Variants in NAV3 observed in about 807,000 individuals in gnomAD.
NAV3 encodes neuron navigator 3.
NAV3 carries 87 observed loss-of-function variants against 244.7 expected under a neutral mutation model. The observed-to-expected ratio is 0.36, with a 90% confidence interval of 0.30 to 0.42. NAV3 has a LOEUF of 0.42. NAV3 is among the 20% of genes least tolerant of loss of function. NAV3 has a pLI of 1.00. For missense variants in NAV3, 2,663 were observed against 2,893.3 expected (o/e 0.92, Z 1.83); for synonymous variants, 1,126 against 1,042.2 (o/e 1.08, Z -1.55).
intron 12 of NAV3, among the ~76,000 whole-genome samples, chr12:78,097,893 AAG>A (rs1255792211): frequency 5.9e-5 from 9 of 152,230 alleles, no homozygotes; most frequent in Admixed American, 5.9e-4. Flanking sequence ...ATTCCTCTGA[AAG>A]AGAAAGCTAA....
chr12:77,752,126 G>T (rs1417576739), intron 2 of NAV3, among the ~76,000 whole-genome samples: 2 of 152,030 alleles, frequency 1.3e-5, no homozygotes, highest in Non-Finnish European at 2.9e-5. Flanking sequence ...GTCAATATTT[G>T]GTTTCCATAA....
chr12:77,998,673 A>T (rs1872749292), intron 7 of NAV3, among the ~76,000 whole-genome samples, 197 bp downstream of exon 7: 2 of 152,214 alleles, frequency 1.3e-5, no homozygotes, highest in African/African-American at 4.8e-5. Context: ...AAACTCATTC[A>T]TTTTAAAGTA....
intron 23 of NAV3, among the ~76,000 whole-genome samples, chr12:78,162,861 CAA>C (rs200929916): frequency 5.0e-5 from 6 of 119,802 alleles, no homozygotes; most frequent in Admixed American, 3.2e-4. Flanking sequence ...GACTCTGTCT[CAA>C]AAAAAAATAT....
chr12:77,880,037 G>A (rs1445459066), intron 1 of NAV3, among the ~76,000 whole-genome samples: 2 of 152,130 alleles, frequency 1.3e-5, no homozygotes, highest in African/African-American at 4.8e-5. Flanking sequence ...CTGTAAAAAT[G>A]TACCTGGCTT....
intron 2 of NAV3, among the ~76,000 whole-genome samples, chr12:77,816,772 A>T (rs934215654): frequency 7.0e-6 from 1 of 142,564 alleles, no homozygotes; most frequent in Admixed American, 7.2e-5. Flanking sequence ...TCGTATATCA[A>T]TATGCAGAAA....
chr12:78,009,475 A>AG (rs1398678187), intron 8 of NAV3, among the ~76,000 whole-genome samples: 315 of 135,148 alleles, frequency 2.3e-3, no homozygotes, highest in African/African-American at 7.0e-3. Flanking sequence ...AAAAAAAGAG[A>AG]AAAAAAGGGC....
At chr12:78,154,280 T>TATA (rs1366147035) in intron 22 of NAV3, among the ~76,000 whole-genome samples, 16 of 71,014 alleles carry the variant, frequency 2.3e-4, no homozygotes, top group Non-Finnish European at 3.0e-4. Flanking sequence ...TATATTACTA[T>TATA]ATATACTACT....
intron 2 of NAV3, among the ~76,000 whole-genome samples, chr12:77,784,730 G>A (rs2135926263): frequency 6.6e-6 from 1 of 152,232 alleles, no homozygotes; most frequent in Middle Eastern, 3.4e-3. Flanking sequence ...TATTAGAAGT[G>A]AGGCCATTCA....
intron 12 of NAV3, among the ~76,000 whole-genome samples, chr12:78,086,365 C>A (rs896501412): frequency 6.6e-6 from 1 of 151,916 alleles, no homozygotes; most frequent in Non-Finnish European, 1.5e-5. Flanking sequence ...TATTGTTAGG[C>A]AATTATGTGA....
chr12:77,850,383 A>G (rs1877328571), intron 1 of NAV3, among the ~76,000 whole-genome samples: 1 of 152,240 alleles, frequency 6.6e-6, no homozygotes, highest in Non-Finnish European at 1.5e-5. Context: ...CCGTTGCAGT[A>G]TAGTAAATCA....
chr12:77,934,304 C>CT (rs1889111845), intron 1 of NAV3, among the ~76,000 whole-genome samples: 1 of 152,098 alleles, frequency 6.6e-6, no homozygotes, highest in African/African-American at 2.4e-5. Context: ...GCCCTTTTTG[C>CT]TTTTCTGTGC....
intron 23 of NAV3, among the ~76,000 whole-genome samples, chr12:78,160,194 C>T (rs1397570592): frequency 1.3e-5 from 2 of 151,664 alleles, no homozygotes; most frequent in Non-Finnish European, 2.9e-5. Context: ...GAAGGTATAC[C>T]AAAAAGAAAG....
intron 2 of NAV3, among the ~76,000 whole-genome samples, chr12:77,601,784 A>C (rs889090779): frequency 3.9e-5 from 6 of 151,998 alleles, no homozygotes; most frequent in African/African-American, 9.7e-5. Flanking sequence ...GAGACATAGA[A>C]AATTCTAAGC....
At chr12:78,092,466 A>G (rs1404467153) in intron 12 of NAV3, among the ~76,000 whole-genome samples, 6 of 136,466 alleles carry the variant, frequency 4.4e-5, no homozygotes, top group Non-Finnish European at 7.9e-5. Context: ...AACTCATTTC[A>G]CCCTTTGAAA....
chr12:77,731,406 G>T (rs1306505624), intron 2 of NAV3, among the ~76,000 whole-genome samples: 1 of 151,854 alleles, frequency 6.6e-6, no homozygotes, highest in Non-Finnish European at 1.5e-5. Flanking sequence ...TATACAAAAA[G>T]AAAAAGTTGC....
chr12:78,143,697 G>A (rs1956734129), intron 20 of NAV3, among the ~76,000 whole-genome samples: 1 of 151,342 alleles, frequency 6.6e-6, no homozygotes. Flanking sequence ...CCAACACTGT[G>A]AAATATTGTG....
rs748531378 is a variant in NAV3, at chr12:77,766,735, G to GTTTTTTTTTTTTTTTTT, written c.73-173564_73-173548dup. Among the ~76,000 whole-genome samples, 9 of 60,512 alleles carry GTTTTTTTTTTTTTTTTT rather than the reference G, an allele frequency of 1.5e-4. 1 individual carries two copies. Among genetic ancestry groups the GTTTTTTTTTTTTTTTTT allele is most frequent in the East Asian group, 5.0e-4 (1 of 2,012 alleles). The allele number at this position is 60,512 out of a possible 152,430, so 39.7% of individuals were successfully genotyped here. The stretch of plus-strand genomic sequence containing the variant: ...AGGATTCTAAAAAACAGGCAATTAA[G>GTTTTTTTTTTTTTTTTT]TTTTTTTTTTTTTTTTTTTTTTTTT... On this transcript the variant is annotated intron_variant, in intron 2 of 8. Coordinates refer to the NAV3 transcript ENST00000550042.
At chr12:77,577,690 T>C (rs1183512226) in intron 2 of NAV3, among the ~76,000 whole-genome samples, 1 of 152,168 alleles carries the variant, frequency 6.6e-6, no homozygotes, top group Non-Finnish European at 1.5e-5. Flanking sequence ...CTCTGAGTAT[T>C]AGTTGCCATT....
chr12:78,114,188 G>A (rs1467901712), intron 12 of NAV3, among the ~76,000 whole-genome samples: 1 of 152,166 alleles, frequency 6.6e-6, no homozygotes, highest in Non-Finnish European at 1.5e-5. Flanking sequence ...GTTGGTCAAA[G>A]CCATTCAACA....
Sources: allele counts gnomAD v4.1 joint callset (sites outside exome capture counted in the v4.1 genomes callset), GRCh38; gene constraint gnomAD v4.1.1; transcripts MANE v1.5; gene names NCBI Gene and HGNC (gene_info 2026-07-23, HGNC 2026-07-21).